PABPN1L: variants seen among roughly 807,000 people sequenced by gnomAD.
PABPN1L encodes embryonic polyadenylate-binding protein 2.
In PABPN1L, 45 loss-of-function variants were observed where a neutral mutation model predicts 34.0. That is an observed-to-expected ratio of 1.32 (90% CI 1.04 to 1.70). The LOEUF (loss-of-function observed/expected upper bound fraction) is 1.70. Ranked by LOEUF, PABPN1L falls within the 40% of genes most tolerant of loss-of-function variation. The pLI is 0.00. For missense variants in PABPN1L, 459 were observed against 367.8 expected, an observed-to-expected ratio of 1.25 and a Z score of -2.03; for synonymous variants, 182 against 152.1, an observed-to-expected ratio of 1.20 and a Z score of -1.45.
rs1294494954 is a variant in PABPN1L at position 88,863,550 on chromosome 16, A to T, written c.*206T>A. On this transcript the variant is annotated 3_prime_UTR_variant, in exon 7 of 7. Coordinates refer to ENST00000419291, the Ensembl canonical transcript of PABPN1L. ...GGCTCACCACCGGGCCGTGGCTGTG[A>T]CTCGTGGCTGTGGCCTTGGGTCTGG... 4.4e-6 allele frequency: 3 copies of T among 685,002 alleles called. No individual in the cohort carries two copies. The South Asian group carries it at 4.9e-5, about 11-fold the overall frequency. The allele number at this position is 685,002 out of a possible 1,614,324, so 42.4% of individuals were successfully genotyped here. A position where few individuals can be genotyped will look rare whatever the true frequency, so the allele number is the denominator to read the frequency against.
chr16:88,866,249 C>T (rs954888194), intron 1 of PABPN1L, 103 bp downstream of exon 1: 5 of 1,459,982 alleles, frequency 3.4e-6, no homozygotes, highest in Admixed American at 2.2e-5. Flanking sequence ...GCCCTCTCCC[C>T]TCCTAAGTCA....
At chr16:88,863,357 T>G in exon 7 of PABPN1L, 2 of 292,962 alleles carry the variant, frequency 6.8e-6, no homozygotes, top group African/African-American at 2.2e-5. Flanking sequence ...GAGCCCAAGT[T>G]TAATAATTTA....
chr16:88,869,370 C>T (rs150240050), upstream of PABPN1L, among the ~76,000 whole-genome samples: 121 of 152,362 alleles, frequency 7.9e-4, no homozygotes, highest in South Asian at 0.011. Flanking sequence ...GGTCCCTGGA[C>T]GCTGTTCCCC....
chr16:88,867,374 C>T (rs1032305933), upstream of PABPN1L, among the ~76,000 whole-genome samples: 2 of 152,104 alleles, frequency 1.3e-5, no homozygotes, highest in African/African-American at 4.8e-5. Context: ...ATTACAGGCA[C>T]CTGCCACCAT....
exon 2 of PABPN1L, chr16:88,865,821 T>G (rs1001870674): frequency 1.2e-6 from 2 of 1,607,454 alleles, no homozygotes; most frequent in African/African-American, 2.7e-5. Context: ...GTCTCAGGGC[T>G]CAGCAGCTGC....
chr16:88,863,660 C>T (rs1223996349), exon 7 of PABPN1L: 2 of 1,450,660 alleles, frequency 1.4e-6, no homozygotes, highest in East Asian at 2.5e-5. Context: ...TCTGGCCTCG[C>T]CCCCGCGCCA....
chr16:88,867,549 G>C (rs1968627816), upstream of PABPN1L, among the ~76,000 whole-genome samples: 1 of 152,136 alleles, frequency 6.6e-6, no homozygotes, highest in Non-Finnish European at 1.5e-5. Context: ...TTTTAGGTGG[G>C]AGCCACTTCC....
upstream of PABPN1L, among the ~76,000 whole-genome samples, chr16:88,866,975 C>T (rs1597642394): frequency 1.3e-5 from 2 of 152,334 alleles, no homozygotes; most frequent in African/African-American, 2.4e-5. Context: ...CATGAACACT[C>T]GATCTAAGTG....
rs1968597139 is a variant in PABPN1L, at chr16:88,866,426, G to GCATC, written c.180_181insGATG (p.Gln61AspfsTer20). 1 of 1,551,304 alleles carries GCATC rather than the reference G, an allele frequency of 6.4e-7. No individual in the cohort carries two copies. The highest frequency in any genetic ancestry group is 2.0e-5 in the Admixed American group (1 of 50,998). On this transcript the variant is annotated frameshift_variant, in exon 1 of 7. Coordinates refer to ENST00000419291, the Ensembl canonical transcript of PABPN1L. LOFTEE classifies it high-confidence loss of function. ...AGCAGAAAGCCTGCATCCCCATCCT[G>GCATC]GTCTTCCTCTGCATCCTCTTCCTCC...
intron 1 of PABPN1L, 133 bp from the exon 2 acceptor site, chr16:88,866,074 T>C: frequency 2.9e-6 from 4 of 1,374,518 alleles, no homozygotes; most frequent in Non-Finnish European, 3.8e-6. Flanking sequence ...GGGACACTCC[T>C]TCCTGGGGCA....
exon 5 of PABPN1L, chr16:88,864,901 C>A (rs763845267): frequency 6.4e-7 from 1 of 1,568,422 alleles, no homozygotes; most frequent in Non-Finnish European, 8.7e-7. Context: ...CCACGGCGGC[C>A]TGCACGGAGC....
At chr16:88,863,669 C>T in exon 7 of PABPN1L, 1 of 1,482,604 alleles carries the variant, frequency 6.7e-7, no homozygotes, top group Non-Finnish European at 9.1e-7. Flanking sequence ...GCCCCCGCGC[C>T]ACTCCCTGCC....
chr16:88,865,818 G>A (rs905774257), exon 2 of PABPN1L: 2 of 1,606,958 alleles, frequency 1.2e-6, no homozygotes, highest in East Asian at 2.2e-5. Flanking sequence ...ACGGTCTCAG[G>A]GCTCAGCAGC....
chr16:88,867,290 C>G (rs571453005), upstream of PABPN1L, among the ~76,000 whole-genome samples: 5 of 150,836 alleles, frequency 3.3e-5, no homozygotes, highest in African/African-American at 1.2e-4. Context: ...TGCGGTGGCG[C>G]GATCTCGGCT....
chr16:88,868,377 C>T (rs770242914), upstream of PABPN1L, among the ~76,000 whole-genome samples: 4 of 151,898 alleles, frequency 2.6e-5, no homozygotes, highest in African/African-American at 7.3e-5. Context: ...CCGAGGTGAG[C>T]GGATCACTTA....
chr16:88,866,017 G>C (rs545395267), intron 1 of PABPN1L, 76 bp from the exon 2 acceptor site: 2 of 1,478,366 alleles, frequency 1.4e-6, no homozygotes, highest in African/African-American at 2.8e-5. Flanking sequence ...TGGCCTGCCA[G>C]CTCCAGCAGA....
chr16:88,869,755 G>A (rs1968663410), upstream of PABPN1L, among the ~76,000 whole-genome samples: 1 of 152,254 alleles, frequency 6.6e-6, no homozygotes, highest in Non-Finnish European at 1.5e-5. Context: ...GCCCCTCTGA[G>A]CTCGGGCCCC....
chr16:88,865,516 A>T (rs1240623078), intron 3 of PABPN1L, 47 bp downstream of exon 3: 4 of 1,584,752 alleles, frequency 2.5e-6, no homozygotes, highest in Non-Finnish European at 3.4e-6. Flanking sequence ...TCTGGTAGAG[A>T]TGGGGCCCCA....
In PABPN1L at chr16:88,864,327, C is replaced by A. The variant is rs1445706649; in HGVS notation, c.707G>T (p.Gly236Val). The A allele has an allele frequency of 5.8e-6, 9 of 1,555,092 alleles. No individual in the cohort carries two copies. The Admixed American group carries it at 1.2e-4, about 20-fold the overall frequency. ...CCTGGAGCCTGGGTGTCCTCGAAGGCCCCCGCGGTCTGTGGAGCTGATCCC... is the reference window on the plus strand; with the variant it reads ...CCTGGAGCCTGGGTGTCCTCGAAGGACCCCGCGGTCTGTGGAGCTGATCCC... The change falls in exon 6 of 7, where the codon GGC becomes GTC. Residue 236 changes from glycine (G) to valine (V), a missense_variant. Coordinates refer to ENST00000419291, the Ensembl canonical transcript of PABPN1L.
Sources: allele counts gnomAD v4.1 joint callset (sites outside exome capture counted in the v4.1 genomes callset), GRCh38; gene constraint gnomAD v4.1.1; transcripts MANE v1.5; gene names NCBI Gene and HGNC (gene_info 2026-07-23, HGNC 2026-07-21).